The following PPP2R5C variants were observed in gnomAD, a reference collection of about 807,000 sequenced individuals.
PPP2R5C encodes protein phosphatase 2 regulatory subunit B'gamma.
A neutral mutation model predicts 68.9 loss-of-function variants in PPP2R5C; 7 were observed. The observed-to-expected ratio is 0.10, with a 90% CI of 0.06 to 0.19. The LOEUF (loss-of-function observed/expected upper bound fraction) is 0.19. Ranked by LOEUF, PPP2R5C falls within the 10% of genes least tolerant of loss-of-function variation. The pLI is 1.00. For synonymous variants in PPP2R5C, 210 were observed against 222.2 expected, an observed-to-expected ratio of 0.95 and a Z score of 0.49; for missense variants, 348 against 641.3, an observed-to-expected ratio of 0.54 and a Z score of 4.94.
chr14:101,817,368 A>G (rs1001617242), intron 1 of PPP2R5C, among the ~76,000 whole-genome samples: 3 of 152,140 alleles, frequency 2.0e-5, no homozygotes, highest in African/African-American at 7.2e-5. Context: ...GTACAAAGAA[A>G]ATGTAATAAC....
rs577809494 is a variant in PPP2R5C, at chr14:101,868,308, CTTACGAT to C, written c.294+11426_294+11432del. Among the ~76,000 whole-genome samples the C allele has an allele frequency of 3.7e-4, 57 of 152,156 alleles. No homozygotes were observed. In the East Asian group the frequency reaches 8.9e-3, roughly 24 times the overall value. On this transcript the variant is annotated intron_variant, in intron 2 of 13. Transcript: ENST00000334743. ...GCTGTTTTTTAGAGGTTTGTTTGTT[CTTACGAT>C]TTTGAGATTTTCCTTTGATGTTTTT... is the stretch of plus-strand genomic sequence containing the variant.
intron 7 of PPP2R5C, among the ~76,000 whole-genome samples, chr14:101,893,733 A>G (rs914450047): frequency 2.0e-5 from 3 of 152,232 alleles, no homozygotes; most frequent in African/African-American, 7.2e-5. Flanking sequence ...CTGGGCAACA[A>G]GAGTGAAACT....
chr14:101,816,955 T>C (rs908189600), intron 1 of PPP2R5C, among the ~76,000 whole-genome samples: 22 of 141,736 alleles, frequency 1.6e-4, no homozygotes, highest in Non-Finnish European at 3.0e-4. Context: ...ATATTATATA[T>C]GTATATATAT....
chr14:101,787,590 C>T (rs544936499), intron 3 of PPP2R5C, among the ~76,000 whole-genome samples: 2,409 of 144,886 alleles, frequency 0.017, 73 homozygotes, highest in African/African-American at 0.06. Context: ...GGTGAAACCC[C>T]GTCTCTACTA....
chr14:101,922,130 A>G (rs1169869875), intron 13 of PPP2R5C: 1 of 985,320 alleles, frequency 1.0e-6, no homozygotes, highest in Non-Finnish European at 1.2e-6. Flanking sequence ...TAACGTGGAC[A>G]TGAAGTATTT....
chr14:101,919,993 C>CAAAAAAAAAATAA (rs367834588), intron 13 of PPP2R5C, among the ~76,000 whole-genome samples: 13 of 117,476 alleles, frequency 1.1e-4, no homozygotes, highest in Admixed American at 5.1e-4. Context: ...AAAAAAAAAA[C>CAAAAAAAAAATAA]CAATTCTTAC....
At position 101,893,128 on chromosome 14, in the gene PPP2R5C, T is replaced by G; in HGVS notation, c.798+20T>G. 43 of 1,490,778 alleles carry G rather than the reference T, an allele frequency of 2.9e-5. No individual in the cohort carries two copies. The highest frequency in any genetic ancestry group is 3.6e-5 in the Non-Finnish European group (39 of 1,068,936). 92.3% of individuals were successfully genotyped at this position (1,490,778 alleles called of 1,614,324 possible). A position where few individuals can be genotyped will look rare whatever the true frequency, so the allele number is the denominator to read the frequency against. On this transcript the variant is annotated intron_variant, in intron 7 of 13. Transcript: ENST00000334743. Reference sequence around the variant, plus strand: ...CCCCAGGTAAGGGGCAGCAGGACTCTAGGAACACAGCTGTTGGCATTTGAT... The same window carrying G: ...CCCCAGGTAAGGGGCAGCAGGACTCGAGGAACACAGCTGTTGGCATTTGAT...
At chr14:101,820,256 T>C (rs1320421037) in intron 1 of PPP2R5C, 1 of 152,140 alleles carries the variant, frequency 6.6e-6, no homozygotes, top group Non-Finnish European at 1.5e-5. Context: ...CAAGAAAAAT[T>C]TGAACTTTGG....
Position 101,913,194 on chromosome 14 carries a change from TAAAAAG to T in PPP2R5C, c.1326+726_1326+731del, listed in dbSNP as rs953087716. On this transcript the variant is annotated intron_variant, in intron 12 of 13. Coordinates refer to ENST00000334743, the Ensembl canonical transcript of PPP2R5C. This position sits in a 1 kb window ranked among gnomAD's most constrained non-coding sequence, Gnocchi z 4.1. The stretch of plus-strand genomic sequence containing the variant: ...TGTGCCTGATTATAACAGTGCCTCT[TAAAAAG>T]AAAATCTTTTTCAGAAAATCTTTTG... Among the ~76,000 whole-genome samples the T allele has an allele frequency of 2.0e-5, 3 of 152,242 alleles. No homozygotes were observed. Among genetic ancestry groups the T allele is most frequent in the Non-Finnish European group, 4.4e-5 (3 of 68,038 alleles).
chr14:101,781,718 G>A lies in PPP2R5C; in HGVS notation c.94-4300G>A, dbSNP rs995646820. 2.0e-5 allele frequency among the ~76,000 whole-genome samples: 3 copies of A among 152,070 alleles called. No individual in the cohort carries two copies. Among genetic ancestry groups the A allele is most frequent in the Non-Finnish European group, 4.4e-5 (3 of 67,962 alleles). ...CCCCGGAGCCCGGAGGAGGGGAGCC[G>A]GCCACCCGGGGAAGAAGCGGAGGAC... On this transcript the variant is annotated intron_variant, in intron 2 of 14. Transcript: ENST00000328724. The surrounding 1 kb of genome is among the most constrained non-coding windows in gnomAD (Gnocchi z 6.4).
chr14:101,911,751 G>A (rs2046404726), intron 11 of PPP2R5C, among the ~76,000 whole-genome samples: 1 of 152,056 alleles, frequency 6.6e-6, no homozygotes, highest in South Asian at 2.1e-4. Flanking sequence ...GGCGGTAGTA[G>A]CACGCACCTG....
chr14:101,819,626 T>G (rs1325555075), intron 1 of PPP2R5C: 1 of 153,622 alleles, frequency 6.5e-6, no homozygotes, highest in African/African-American at 2.4e-5. Context: ...TGTTTTTGTT[T>G]GGGTTTGTTT....
At chr14:101,901,843 C>G in exon 9 of PPP2R5C, 1 of 1,614,190 alleles carries the variant, frequency 6.2e-7, no homozygotes. Context: ...ATCATGGAAC[C>G]CCTCTTCCGG....
intron 2 of PPP2R5C, among the ~76,000 whole-genome samples, chr14:101,767,726 C>T (rs894558031): frequency 9.2e-5 from 14 of 152,216 alleles, no homozygotes; most frequent in African/African-American, 3.4e-4. Context: ...CTCTTCCCAG[C>T]GCCTCCCCAT....
chr14:101,761,104 G>A (rs1377033053), upstream of PPP2R5C, among the ~76,000 whole-genome samples: 1 of 148,828 alleles, frequency 6.7e-6, no homozygotes, highest in Admixed American at 6.6e-5. Context: ...GGGAGGGGAG[G>A]CGGGGCCCAG....
intron 2 of PPP2R5C, among the ~76,000 whole-genome samples, chr14:101,862,268 C>T (rs1011071083): frequency 6.6e-5 from 10 of 152,136 alleles, no homozygotes; most frequent in Non-Finnish European, 1.5e-4. Flanking sequence ...CTTCAGCCTC[C>T]CAATGCTGCA....
chr14:101,850,048 A>G (rs1471917998), intron 1 of PPP2R5C, among the ~76,000 whole-genome samples: 1 of 152,234 alleles, frequency 6.6e-6, no homozygotes, highest in Non-Finnish European at 1.5e-5. Context: ...TTGGGATAGC[A>G]TTGAATCCGT....
chr14:101,861,035 CAATTA>C lies in PPP2R5C; in HGVS notation c.294+4156_294+4160del, dbSNP rs964771296. On this transcript the variant is annotated intron_variant, in intron 2 of 13. Transcript: ENST00000334743. Reference sequence around the variant, plus strand: ...AAATATAATCAGCCTCCTGTTTTTTCAATTAAATTATCTAGTTAATCTGTTTCTCG... The same window carrying C: ...AAATATAATCAGCCTCCTGTTTTTTCAATTATCTAGTTAATCTGTTTCTCG... Among the ~76,000 whole-genome samples, 127 of 152,160 alleles carry C rather than the reference CAATTA, an allele frequency of 8.3e-4. 1 individual carries two copies. The highest frequency in any genetic ancestry group is 2.9e-3 in the African/African-American group (121 of 41,518).
chr14:101,884,259 G>A (rs545029032), intron 5 of PPP2R5C, among the ~76,000 whole-genome samples: 2 of 152,346 alleles, frequency 1.3e-5, no homozygotes, highest in East Asian at 3.9e-4. Flanking sequence ...CGCACCGGCA[G>A]CTGATTAGAT....
Sources: allele counts gnomAD v4.1 joint callset (sites outside exome capture counted in the v4.1 genomes callset), GRCh38; gene constraint gnomAD v4.1.1; non-coding constraint Gnocchi (gnomAD v3.1); transcripts MANE v1.5; gene names NCBI Gene and HGNC (gene_info 2026-07-23, HGNC 2026-07-21).